The following SLC24A4 variants were observed in gnomAD, a reference collection of about 807,000 sequenced individuals.
SLC24A4 encodes solute carrier family 24 member 4.
In SLC24A4, 53 loss-of-function variants were observed where a neutral mutation model predicts 79.0. The observed-to-expected ratio is 0.67, with a 90% CI of 0.54 to 0.84. The LOEUF is 0.84. Ranked by LOEUF, SLC24A4 falls within the 40% of genes least tolerant of loss-of-function variation. SLC24A4 has a pLI of 0.00. For missense variants in SLC24A4, 731 were observed against 822.0 expected (o/e 0.89, Z 1.35); for synonymous variants, 323 against 323.8 (o/e 1.00, Z 0.03).
At chr14:92,481,740 T>C (rs1029360191) in intron 12 of SLC24A4, among the ~76,000 whole-genome samples, 6 of 152,254 alleles carry the variant, frequency 3.9e-5, no homozygotes, top group African/African-American at 1.4e-4. Flanking sequence ...CTGCAAACCT[T>C]AGGTTAATTC....
chr14:92,489,676 AG>A (rs1262524912), intron 14 of SLC24A4, among the ~76,000 whole-genome samples: 1 of 152,050 alleles, frequency 6.6e-6, no homozygotes, highest in African/African-American at 2.4e-5. Context: ...CATTTTCACA[AG>A]ACCCCCAGGT....
chr14:92,486,858 C>G, intron 14 of SLC24A4, 78 bp downstream of exon 14: 2 of 1,035,538 alleles, frequency 1.9e-6, no homozygotes, highest in Non-Finnish European at 2.9e-6. Context: ...TTACAGTTGA[C>G]CAAGTTGTGG....
intron 12 of SLC24A4, among the ~76,000 whole-genome samples, chr14:92,464,370 C>T (rs1037659713): frequency 6.6e-6 from 1 of 152,130 alleles, no homozygotes; most frequent in Non-Finnish European, 1.5e-5. Flanking sequence ...ACCCCTCCAG[C>T]CAGGCCAATA....
In SLC24A4 at chr14:92,456,853, C is replaced by T. The variant is rs554130936; in HGVS notation, c.1255+245C>T. ...AAGAGCCTCGGGCCAGAGAGCAGGG[C>T]GGCTGGAGGCCTGGAGAACACCAGT... On this transcript the variant is annotated intron_variant, in intron 12 of 16. Coordinates refer to ENST00000532405, the MANE Select transcript of SLC24A4 (RefSeq NM_153646.4). 2.2e-4 allele frequency among the ~76,000 whole-genome samples: 34 copies of T among 152,314 alleles called. No individual in the cohort carries two copies. In the East Asian group the frequency reaches 5.6e-3, roughly 25 times the overall value.
chr14:92,465,598 T>A (rs1165005588), intron 12 of SLC24A4, among the ~76,000 whole-genome samples: 1 of 152,154 alleles, frequency 6.6e-6, no homozygotes, highest in Non-Finnish European at 1.5e-5. Flanking sequence ...CTCCCTTGAC[T>A]GACAGAGCCT....
rs1895938665 is a variant in SLC24A4 at position 92,496,773 on chromosome 14, C to T, written c.*3145C>T. 6.6e-6 allele frequency: 1 copy of T among 152,224 alleles called. No individual in the cohort carries two copies. Among genetic ancestry groups the T allele is most frequent in the African/African-American group, 2.4e-5 (1 of 41,390 alleles). The allele number at this position is 152,224 out of a possible 1,614,324, so 9.4% of individuals were successfully genotyped here. ...CTCTTCCCCTTGTCACTTGTGTCTC[C>T]TCCTTATGCACAGAGCTGCCTGCCT... On this transcript the variant is annotated 3_prime_UTR_variant, in exon 17 of 17. Transcript: ENST00000532405.
rs1473031985 is a variant in SLC24A4, at chr14:92,498,107, CT to C, written c.*4481del. ...TTCTGAAAATGCTCTGTGGGCAGCT[CT>C]TGGGTGGCAGTAAGTCCATCAACCC... is the stretch of plus-strand genomic sequence containing the variant. On this transcript the variant is annotated 3_prime_UTR_variant, in exon 17 of 17. Coordinates refer to ENST00000532405, the MANE Select transcript of SLC24A4 (RefSeq NM_153646.4). The C allele has an allele frequency of 6.6e-6, 1 of 152,284 alleles. No individual in the cohort carries two copies. Among genetic ancestry groups the C allele is most frequent in the Non-Finnish European group, 1.5e-5 (1 of 68,116 alleles). 9.4% of individuals were successfully genotyped at this position (152,284 alleles called of 1,614,324 possible).
chr14:92,354,533 A>G (rs150104559), intron 2 of SLC24A4, among the ~76,000 whole-genome samples: 1 of 152,326 alleles, frequency 6.6e-6, no homozygotes, highest in Admixed American at 6.5e-5. Flanking sequence ...TTACAGTCTC[A>G]TGGAGAGGAA....
chr14:92,385,886 C>T (rs564212504), intron 2 of SLC24A4, among the ~76,000 whole-genome samples: 3 of 152,168 alleles, frequency 2.0e-5, no homozygotes, highest in African/African-American at 4.8e-5. Context: ...TCCTGGGATG[C>T]GAGGGGAGAG....
chr14:92,489,062 G>A (rs1895529175), intron 14 of SLC24A4, among the ~76,000 whole-genome samples: 1 of 152,280 alleles, frequency 6.6e-6, no homozygotes, highest in South Asian at 2.1e-4. Context: ...CTGAGGAAGG[G>A]TGAGGCCAGG....
chr14:92,353,628 T>C lies in SLC24A4; in HGVS notation c.241+27650T>C, dbSNP rs944987082. 2.6e-5 allele frequency among the ~76,000 whole-genome samples: 4 copies of C among 152,216 alleles called. No individual in the cohort carries two copies. The highest frequency in any genetic ancestry group is 9.7e-5 in the African/African-American group (4 of 41,448). ...ATGGTATCTCAGTTTGTTTCAGTCA[T>C]GAGTGAGGTTGAGCATTTTTCCTAT... On this transcript the variant is annotated intron_variant, in intron 2 of 16. Coordinates refer to ENST00000532405, the MANE Select transcript of SLC24A4 (RefSeq NM_153646.4). The surrounding 1 kb of genome is among the most constrained non-coding windows in gnomAD (Gnocchi z 4.1).
intron 2 of SLC24A4, among the ~76,000 whole-genome samples, chr14:92,433,216 C>T (rs543781159): frequency 2.3e-4 from 35 of 152,226 alleles, no homozygotes; most frequent in African/African-American, 7.7e-4. Flanking sequence ...TGTATACCTC[C>T]GTTCATGAGC....
intron 15 of SLC24A4, 87 bp downstream of exon 15, chr14:92,491,864 A>G (rs1165525524): frequency 1.9e-6 from 2 of 1,034,002 alleles, no homozygotes; most frequent in Non-Finnish European, 3.0e-6. Flanking sequence ...CTAGGAGACG[A>G]CCTCCTCCTC....
At position 92,500,075 on chromosome 14, in the gene SLC24A4, G is replaced by T. The variant is rs965936296; in HGVS notation, c.*6447G>T. ...AGGATGGTCTTGATCTCCTGATCTC[G>T]TGATCCGCCCACCCCGGCCTCCCAA... On this transcript the variant is annotated 3_prime_UTR_variant, in exon 17 of 17. Coordinates refer to ENST00000532405, the MANE Select transcript of SLC24A4 (RefSeq NM_153646.4). 1.3e-5 allele frequency: 2 copies of T among 151,810 alleles called. No homozygotes were observed. Among genetic ancestry groups the T allele is most frequent in the Non-Finnish European group, 2.9e-5 (2 of 67,998 alleles). The allele number at this position is 151,810 out of a possible 1,614,324, so 9.4% of individuals were successfully genotyped here. A position where few individuals can be genotyped will look rare whatever the true frequency, so the allele number is the denominator to read the frequency against.
chr14:92,373,184 A>G (rs1414119350), intron 2 of SLC24A4, among the ~76,000 whole-genome samples: 2 of 82,346 alleles, frequency 2.4e-5, no homozygotes, highest in African/African-American at 6.5e-5. Context: ...ACACACACAC[A>G]CACACACACG....
chr14:92,404,001 T>C (rs1890247947), intron 2 of SLC24A4, among the ~76,000 whole-genome samples: 1 of 152,200 alleles, frequency 6.6e-6, no homozygotes, highest in Admixed American at 6.5e-5. Flanking sequence ...CTGAGAAGAA[T>C]TGCATTTTTA....
chr14:92,386,865 G>A (rs1566731770), intron 2 of SLC24A4, among the ~76,000 whole-genome samples: 1 of 152,190 alleles, frequency 6.6e-6, no homozygotes, highest in Non-Finnish European at 1.5e-5. Context: ...TGTTGAAATT[G>A]CAGGTGGTGA....
chr14:92,456,730 C>T (rs56352520), intron 12 of SLC24A4, 122 bp downstream of exon 12: 14 of 977,402 alleles, frequency 1.4e-5, no homozygotes, highest in Admixed American at 2.2e-5. Flanking sequence ...TGCAAAGGGT[C>T]GATATTAGGT....
intron 1 of SLC24A4, 70 bp from the exon 2 acceptor site, chr14:92,325,798 T>C: frequency 1.1e-6 from 1 of 892,430 alleles, no homozygotes; most frequent in South Asian, 1.5e-5. Flanking sequence ...GACACACAAA[T>C]GTAAGGTCAT....
Sources: gnomAD v4.1 joint callset for allele counts (sites outside exome capture counted in the v4.1 genomes callset) on GRCh38, gnomAD v4.1.1 for gene constraint, Gnocchi (gnomAD v3.1) non-coding constraint, MANE v1.5 for transcripts, NCBI Gene and HGNC (gene_info 2026-07-23, HGNC 2026-07-21) for gene names.